PKIA: variants seen among roughly 807,000 people sequenced by gnomAD.
PKIA encodes cAMP-dependent protein kinase inhibitor alpha.
Under a neutral mutation model 7.6 loss-of-function variants are expected in PKIA, and 4 were observed. That is an observed-to-expected ratio of 0.52 (90% confidence interval 0.26 to 1.20). PKIA has a LOEUF of 1.20. PKIA is among the 50% of genes most tolerant of loss of function. The pLI is 0.13. For missense variants in PKIA, 73 were observed against 86.2 expected, an observed-to-expected ratio of 0.85 and a Z score of 0.61; for synonymous variants, 21 against 30.7, an observed-to-expected ratio of 0.68 and a Z score of 1.04.
intron 1 of PKIA, among the ~76,000 whole-genome samples, chr8:78,553,361 T>TA (rs1807035812): frequency 6.6e-6 from 1 of 151,974 alleles, no homozygotes; most frequent in South Asian, 2.1e-4. Flanking sequence ...TCAAATCACT[T>TA]ACCCACTCTA....
intron 1 of PKIA, among the ~76,000 whole-genome samples, chr8:78,558,034 C>T (rs1009419600): frequency 5.9e-5 from 9 of 152,138 alleles, no homozygotes; most frequent in Admixed American, 6.5e-5. Context: ...ATGCAAAATG[C>T]TGTTTACAGT....
chr8:78,517,676 C>T (rs182433227), intron 1 of PKIA, among the ~76,000 whole-genome samples: 2 of 152,258 alleles, frequency 1.3e-5, no homozygotes, highest in East Asian at 1.9e-4. Context: ...TCCTATCCCT[C>T]GTCCTAGGAT....
At chr8:78,579,826 C>A (rs559017297) in intron 2 of PKIA, among the ~76,000 whole-genome samples, 1 of 152,116 alleles carries the variant, frequency 6.6e-6, no homozygotes, top group South Asian at 2.1e-4. Flanking sequence ...AGATTCTGAA[C>A]AGGAAATCAA....
intron 2 of PKIA, among the ~76,000 whole-genome samples, chr8:78,595,069 A>G (rs965325275): frequency 2.0e-5 from 3 of 152,198 alleles, no homozygotes; most frequent in Non-Finnish European, 4.4e-5. Context: ...AGTTGAGCCA[A>G]TTGGCACAAT....
chr8:78,523,909 CATAT>C (rs1483928155), intron 1 of PKIA, among the ~76,000 whole-genome samples: 1 of 130,456 alleles, frequency 7.7e-6, no homozygotes, highest in Non-Finnish European at 1.6e-5. Context: ...TATATTTATA[CATAT>C]ATATTTATAT....
chr8:78,529,535 A>G (rs554134225), intron 1 of PKIA, among the ~76,000 whole-genome samples: 4 of 152,214 alleles, frequency 2.6e-5, no homozygotes, highest in East Asian at 1.9e-4. Flanking sequence ...AATTAAAAAT[A>G]CTAATTTGTG....
intron 1 of PKIA, among the ~76,000 whole-genome samples, chr8:78,555,674 C>T (rs1308665123): frequency 1.3e-5 from 2 of 151,934 alleles, no homozygotes; most frequent in East Asian, 3.9e-4. Flanking sequence ...ATAAAGCAGC[C>T]TTGGTGTTGG....
chr8:78,566,397 G>A lies in PKIA; in HGVS notation c.-156-6414G>A, dbSNP rs6651332. ...TTTTTACATTATATTATACTTCTGG[G>A]TAAAATGTTTCATAAATCTAGCTAC... On this transcript the variant is annotated intron_variant, in intron 1 of 3. Coordinates refer to ENST00000396418, the MANE Select transcript of PKIA (RefSeq NM_006823.4). Among the ~76,000 whole-genome samples the A allele has an allele frequency of 8.9e-4, 135 of 152,124 alleles. 2 individuals carry two copies. The highest frequency in any genetic ancestry group is 3.0e-3 in the African/African-American group (125 of 41,544).
chr8:78,535,012 C>G (rs769540331), intron 1 of PKIA: 17 of 152,140 alleles, frequency 1.1e-4, no homozygotes, highest in Admixed American at 1.0e-3. Context: ...ATGGTAGATG[C>G]AGGCTATTTA....
intron 1 of PKIA, among the ~76,000 whole-genome samples, chr8:78,570,194 C>T (rs1422255644): frequency 6.6e-6 from 1 of 152,036 alleles, no homozygotes; most frequent in East Asian, 1.9e-4. Flanking sequence ...CTAAGCAAAA[C>T]TCAAATAGGG....
chr8:78,525,080 A>T (rs1563566247), intron 1 of PKIA, among the ~76,000 whole-genome samples: 1 of 151,650 alleles, frequency 6.6e-6, no homozygotes, highest in Non-Finnish European at 1.5e-5. Context: ...CTGGGGTATT[A>T]TAAGTTGGAA....
At chr8:78,565,787 T>C (rs1309330840) in intron 1 of PKIA, among the ~76,000 whole-genome samples, 2 of 151,962 alleles carry the variant, frequency 1.3e-5, no homozygotes, top group Non-Finnish European at 2.9e-5. Context: ...AGTAATGTTA[T>C]CACTTTTCTG....
At chr8:78,542,401 C>T (rs186786304) in intron 1 of PKIA, among the ~76,000 whole-genome samples, 110 of 152,204 alleles carry the variant, frequency 7.2e-4, no homozygotes, top group Admixed American at 1.8e-3. Flanking sequence ...TATCTCATAA[C>T]TTCATATGTC....
At chr8:78,529,263 C>T (rs1563567567) in intron 1 of PKIA, among the ~76,000 whole-genome samples, 1 of 152,078 alleles carries the variant, frequency 6.6e-6, no homozygotes, top group Non-Finnish European at 1.5e-5. Flanking sequence ...CATTGTACCA[C>T]ATCAGTGTTA....
At chr8:78,554,575 A>T (rs965243877) in intron 1 of PKIA, among the ~76,000 whole-genome samples, 3 of 152,024 alleles carry the variant, frequency 2.0e-5, no homozygotes, top group African/African-American at 7.2e-5. Context: ...CATGATTCAG[A>T]TGTGGCCTGT....
chr8:78,573,591 C>T (rs1021785873), intron 2 of PKIA, among the ~76,000 whole-genome samples: 2 of 151,906 alleles, frequency 1.3e-5, no homozygotes, highest in African/African-American at 4.8e-5. Flanking sequence ...AAGAAAAAAA[C>T]AGCAGTAACA....
At chr8:78,585,735 G>A (rs2130228834) in intron 2 of PKIA, among the ~76,000 whole-genome samples, 1 of 152,206 alleles carries the variant, frequency 6.6e-6, no homozygotes, top group Admixed American at 6.5e-5. Flanking sequence ...TTCGATTGGA[G>A]TAGATATTTA....
chr8:78,596,979 A>G (rs770235029), intron 2 of PKIA, among the ~76,000 whole-genome samples: 1 of 152,168 alleles, frequency 6.6e-6, no homozygotes, highest in East Asian at 1.9e-4. Flanking sequence ...TTTGTTGAAG[A>G]TCAGATAGCT....
In PKIA at chr8:78,604,667, A is replaced by G. The variant is rs552263839; in HGVS notation, c.*2846A>G. On this transcript the variant is annotated 3_prime_UTR_variant, in exon 4 of 4. Transcript: ENST00000396418. ...ATATTTTTCTGGCATGTGGTCTGTA[A>G]ACACAGCATGATTCATATTTTTTAT... 1.3e-5 allele frequency: 2 copies of G among 152,080 alleles called. No individual in the cohort carries two copies. The highest frequency in any genetic ancestry group is 4.1e-4 in the South Asian group (2 of 4,826). 9.4% of individuals were successfully genotyped at this position (152,080 alleles called of 1,614,324 possible). A position where few individuals can be genotyped will look rare whatever the true frequency, so the allele number is the denominator to read the frequency against.
Sources: allele counts gnomAD v4.1 joint callset (sites outside exome capture counted in the v4.1 genomes callset), GRCh38; gene constraint gnomAD v4.1.1; transcripts MANE v1.5; gene names NCBI Gene and HGNC (gene_info 2026-07-23, HGNC 2026-07-21).